The following MAST4 variants were observed in gnomAD, a reference collection of about 807,000 sequenced individuals.
MAST4 encodes microtubule-associated serine/threonine-protein kinase 4.
MAST4 carries 89 observed loss-of-function variants against 162.7 expected under a neutral mutation model. The observed-to-expected ratio is 0.55, with a 90% CI of 0.46 to 0.65. MAST4 has a LOEUF of 0.65. Among genes scored for constraint, MAST4 ranks in the 30% least tolerant of loss-of-function variants. MAST4 has a pLI of 0.00. For missense variants in MAST4, 3,153 were observed against 3,374.0 expected (o/e 0.93, Z 1.62); for synonymous variants, 1,479 against 1,361.1 (o/e 1.09, Z -1.91).
At chr5:66,940,811 A>C (rs972427802) in intron 4 of MAST4, among the ~76,000 whole-genome samples, 10 of 152,130 alleles carry the variant, frequency 6.6e-5, no homozygotes, top group Non-Finnish European at 1.5e-4. Context: ...GATCCATTAG[A>C]GGAATCATTA....
At chr5:67,146,026 T>C (rs904841517) in intron 23 of MAST4, among the ~76,000 whole-genome samples, 1 of 152,192 alleles carries the variant, frequency 6.6e-6, no homozygotes, top group Non-Finnish European at 1.5e-5. Context: ...AATACCAGCA[T>C]GATTTAAATT....
rs148201213 is a variant in MAST4, at chr5:67,120,146, G to T, written c.1660-871G>T. Among the ~76,000 whole-genome samples the T allele has an allele frequency of 1.7e-3, 257 of 152,256 alleles. 1 individual carries two copies. Among genetic ancestry groups the T allele is most frequent in the Non-Finnish European group, 3.0e-3 (201 of 68,022 alleles). The stretch of plus-strand genomic sequence containing the variant: ...TGGTTCAAGTTGAAGAGGTCAAGTA[G>T]CCTGGAGGCCAGTGTTGGGTGGGTT... On this transcript the variant is annotated intron_variant, in intron 13 of 28. Coordinates refer to ENST00000403625, the MANE Select transcript of MAST4 (RefSeq NM_001164664.2).
At chr5:66,958,933 G>T in intron 4 of MAST4, 1 of 328,922 alleles carries the variant, frequency 3.0e-6, no homozygotes, top group Non-Finnish European at 5.7e-6. Flanking sequence ...TGAAAAGTGG[G>T]TCTGTGAGTA....
chr5:66,766,609 C>G (rs33721), intron 2 of MAST4, among the ~76,000 whole-genome samples: 45,820 of 151,868 alleles, frequency 0.3, 10,796 homozygotes, highest in African/African-American at 0.64. Flanking sequence ...TTTAATTACT[C>G]TGTAGTACCC....
rs951755221 is a variant in MAST4 at position 66,788,661 on chromosome 5, C to T, written c.518-9C>T. ...GTCACTTACATTTTCTTCTCTTTAACTCCAACAGGGAGGTACCTTCTTCCA... is the reference window on the plus strand; with the variant it reads ...GTCACTTACATTTTCTTCTCTTTAATTCCAACAGGGAGGTACCTTCTTCCA... On this transcript the variant is annotated splice_polypyrimidine_tract_variant and intron_variant, in intron 2 of 28. Coordinates refer to ENST00000403625, the MANE Select transcript of MAST4 (RefSeq NM_001164664.2). 2.2e-6 allele frequency: 3 copies of T among 1,350,014 alleles called. No homozygotes were observed. The African/African-American group carries it at 4.8e-5, about 21-fold the overall frequency. 83.6% of individuals were successfully genotyped at this position (1,350,014 alleles called of 1,614,324 possible).
chr5:67,095,515 G>T, intron 6 of MAST4, 82 bp from the exon 7 acceptor site: 2 of 1,035,228 alleles, frequency 1.9e-6, no homozygotes, highest in South Asian at 1.6e-5. Flanking sequence ...TCATTTGTTT[G>T]ACTAAAAATA....
intron 1 of MAST4, among the ~76,000 whole-genome samples, chr5:66,626,002 A>G (rs1744401021): frequency 6.6e-6 from 1 of 152,230 alleles, no homozygotes; most frequent in African/African-American, 2.4e-5. Flanking sequence ...GCCAGAGGAC[A>G]TTATGCTAAG....
chr5:66,625,214 G>A (rs1580023901), intron 1 of MAST4, among the ~76,000 whole-genome samples: 1 of 152,046 alleles, frequency 6.6e-6, no homozygotes. Flanking sequence ...ATTGCATATG[G>A]GATTCAGGTT....
intron 1 of MAST4, among the ~76,000 whole-genome samples, chr5:66,731,101 G>T (rs548567113): frequency 4.5e-4 from 68 of 152,098 alleles, no homozygotes; most frequent in Non-Finnish European, 8.1e-4. Flanking sequence ...TTCAGTTTTT[G>T]TTTATGAAAA....
chr5:67,036,269 C>G (rs1025989085), intron 4 of MAST4, among the ~76,000 whole-genome samples: 4 of 152,226 alleles, frequency 2.6e-5, no homozygotes, highest in African/African-American at 9.6e-5. Context: ...GAAATTGTGG[C>G]TAGCAATATT....
intron 3 of MAST4, among the ~76,000 whole-genome samples, chr5:66,803,303 G>A (rs1756012429): frequency 6.6e-6 from 1 of 152,128 alleles, no homozygotes; most frequent in South Asian, 2.1e-4. Context: ...CTTTTAACAA[G>A]CCTAAATAAC....
chr5:66,756,698 G>A (rs144887231), intron 1 of MAST4, among the ~76,000 whole-genome samples: 433 of 152,308 alleles, frequency 2.8e-3, no homozygotes, highest in South Asian at 8.5e-3. Context: ...GCAGTGGACC[G>A]TTTTGAGAAG....
intron 1 of MAST4, among the ~76,000 whole-genome samples, chr5:66,718,064 C>T (rs1184286123): frequency 1.1e-4 from 17 of 151,846 alleles, no homozygotes. Context: ...TGGCTTACAT[C>T]CTGTGTGCTT....
intron 3 of MAST4, among the ~76,000 whole-genome samples, chr5:66,892,305 T>C (rs456225): frequency 0.54 from 82,504 of 151,884 alleles, 22,844 homozygotes; most frequent in African/African-American, 0.62. Context: ...GAGAAACTGA[T>C]CACCCTCCTC....
chr5:67,165,655 C>T lies in MAST4; in HGVS notation c.6476C>T (p.Ser2159Phe). ...CATTGCAGTTCCCCAAGCCACGCTT[C>T]TGGCAGAGAGCCGGGGGCCAAGCCC... ...RQHCSSPSHA[S>F]GREPGAKPST... The change falls in exon 29 of 29, where the codon TCT becomes TTT. Residue 2159 changes from serine to phenylalanine, a missense_variant. By Grantham distance (155) the Ser-to-Phe change is radical. Transcript: ENST00000403625. 1 of 1,605,186 alleles carries T rather than the reference C, an allele frequency of 6.2e-7. No individual in the cohort carries two copies. The highest frequency in any genetic ancestry group is 8.5e-7 in the Non-Finnish European group (1 of 1,176,110).
intron 5 of MAST4, among the ~76,000 whole-genome samples, chr5:67,078,447 A>C (rs2150711358): frequency 6.6e-6 from 1 of 151,304 alleles, no homozygotes; most frequent in South Asian, 2.1e-4. Flanking sequence ...ACATTAAAAG[A>C]TGCTCAGCTT....
At chr5:66,633,046 T>C (rs1475348208) in intron 1 of MAST4, among the ~76,000 whole-genome samples, 1 of 152,224 alleles carries the variant, frequency 6.6e-6, no homozygotes. Context: ...TACTTACCAC[T>C]GTAAAAGGGA....
intron 6 of MAST4, 94 bp downstream of exon 6, chr5:67,090,325 C>T: frequency 1.5e-6 from 1 of 673,896 alleles, no homozygotes. Flanking sequence ...CCACTTCTTC[C>T]CGTCCCCACT....
intron 4 of MAST4, among the ~76,000 whole-genome samples, chr5:67,017,034 C>T (rs967989968): frequency 6.6e-6 from 1 of 152,180 alleles, no homozygotes; most frequent in Non-Finnish European, 1.5e-5. Context: ...CTATTGCTAA[C>T]TGTTTTTAAG....
Sources: allele counts gnomAD v4.1 joint callset (sites outside exome capture counted in the v4.1 genomes callset), GRCh38; gene constraint gnomAD v4.1.1; transcripts MANE v1.5; gene names NCBI Gene and HGNC (gene_info 2026-07-23, HGNC 2026-07-21).